The following ROBO1 variants were observed in gnomAD, a reference collection of about 807,000 sequenced individuals.
The protein encoded by ROBO1 is roundabout homolog 1.
In ROBO1, 149 loss-of-function variants were observed where a neutral mutation model predicts 195.9. The ratio of observed to expected loss-of-function variants is 0.76; its 90% CI spans 0.67 to 0.87. ROBO1 has a LOEUF of 0.87. Ranked by LOEUF, ROBO1 falls within the 40% of genes least tolerant of loss-of-function variation. The pLI is 0.00. For synonymous variants in ROBO1, 816 were observed against 733.2 expected (o/e 1.11, Z -1.82); for missense variants, 1,933 against 2,068.3 (o/e 0.93, Z 1.27).
intron 1 of ROBO1, among the ~76,000 whole-genome samples, chr3:79,670,466 G>T (rs931350771): frequency 6.6e-6 from 1 of 151,790 alleles, no homozygotes; most frequent in African/African-American, 2.4e-5. Flanking sequence ...ACTGGTGATT[G>T]ATGGCAACGT....
Position 78,934,167 on chromosome 3 carries a change from T to C in ROBO1, c.499+4434A>G, listed in dbSNP as rs909199988. ...CATAATGGAAGTAAAGAGAAAAAGG[T>C]AGTGAAAGCAATAGCAAAAACAATT... On this transcript the variant is annotated intron_variant, in intron 4 of 30. Coordinates refer to ENST00000464233, the MANE Select transcript of ROBO1 (RefSeq NM_002941.4). Among the ~76,000 whole-genome samples, 12 of 152,002 alleles carry C rather than the reference T, an allele frequency of 7.9e-5. No homozygotes were observed. In the South Asian group the frequency reaches 8.3e-4, roughly 11 times the overall value.
At chr3:78,727,850 T>C (rs1237587839) in intron 5 of ROBO1, among the ~76,000 whole-genome samples, 2 of 152,078 alleles carry the variant, frequency 1.3e-5, no homozygotes, top group African/African-American at 4.8e-5. Context: ...GACCAATACT[T>C]CTAAGTGTAA....
intron 2 of ROBO1, among the ~76,000 whole-genome samples, chr3:79,262,049 G>C (rs971614055): frequency 2.6e-5 from 4 of 151,982 alleles, no homozygotes; most frequent in African/African-American, 4.8e-5. Context: ...ACAGATCTAA[G>C]AAACATGTGC....
intron 2 of ROBO1, among the ~76,000 whole-genome samples, chr3:79,502,420 T>G (rs904076984): frequency 2.3e-4 from 35 of 152,126 alleles, no homozygotes; most frequent in Non-Finnish European, 3.4e-4. Flanking sequence ...GTACTCGATT[T>G]CTCGCCGGGC....
intron 2 of ROBO1, among the ~76,000 whole-genome samples, chr3:79,308,598 T>C (rs2033335191): frequency 6.6e-6 from 1 of 152,086 alleles, no homozygotes; most frequent in Admixed American, 6.6e-5. Context: ...AAAAGTTCTA[T>C]TAAAAAAAGA....
chr3:79,149,903 A>C (rs1276572262), intron 2 of ROBO1, among the ~76,000 whole-genome samples: 1 of 151,808 alleles, frequency 6.6e-6, no homozygotes, highest in Admixed American at 6.6e-5. Context: ...ATGCTCTGGC[A>C]CATTTCAAAA....
rs118170249 is a variant in ROBO1 at position 79,480,866 on chromosome 3, T to C, written c.88+108958A>G. Among the ~76,000 whole-genome samples the C allele has an allele frequency of 2.8e-4, 43 of 152,250 alleles. No individual in the cohort carries two copies. The East Asian group carries it at 8.3e-3, about 29-fold the overall frequency. On this transcript the variant is annotated intron_variant, in intron 2 of 30. Coordinates refer to ENST00000464233, the MANE Select transcript of ROBO1 (RefSeq NM_002941.4). ...TCTAAATCATCACTATTACATATGA[T>C]TTCATTTTATTTCTAATAGGCTATA...
At chr3:78,619,966 C>A in intron 26 of ROBO1, among the ~76,000 whole-genome samples, 1 of 144,728 alleles carries the variant, frequency 6.9e-6, no homozygotes. Context: ...TGCAGTGAGC[C>A]AAGATCAAAC....
intron 8 of ROBO1, among the ~76,000 whole-genome samples, chr3:78,700,735 ATT>A (rs1194047453): frequency 6.6e-6 from 1 of 150,532 alleles, no homozygotes; most frequent in Non-Finnish European, 1.5e-5. Context: ...GAGTATTGGA[ATT>A]CTGCTGGTAT....
At chr3:78,790,316 A>T (rs2083978938) in intron 4 of ROBO1, among the ~76,000 whole-genome samples, 2 of 151,762 alleles carry the variant, frequency 1.3e-5, no homozygotes, top group South Asian at 4.2e-4. Flanking sequence ...ATTATTTTTT[A>T]TTTTTTAATT....
At chr3:78,751,274 G>A (rs2082788325) in intron 4 of ROBO1, among the ~76,000 whole-genome samples, 1 of 151,838 alleles carries the variant, frequency 6.6e-6, no homozygotes, top group Non-Finnish European at 1.5e-5. Context: ...CCTCGGGGGA[G>A]AGGAGCATGC....
intron 3 of ROBO1, among the ~76,000 whole-genome samples, chr3:78,999,545 G>A (rs550339380): frequency 3.9e-5 from 6 of 152,122 alleles, no homozygotes; most frequent in African/African-American, 1.2e-4. Context: ...ACTGCCAGAG[G>A]GGAAAGGAAG....
chr3:79,412,921 A>G (rs2106871236), intron 2 of ROBO1, among the ~76,000 whole-genome samples: 1 of 105,926 alleles, frequency 9.4e-6, no homozygotes, highest in African/African-American at 3.7e-5. Context: ...GTAAATAAGA[A>G]TTATCTGCTT....
intron 2 of ROBO1, among the ~76,000 whole-genome samples, chr3:79,439,069 A>AT (rs2038973813): frequency 6.6e-6 from 1 of 152,064 alleles, no homozygotes; most frequent in Non-Finnish European, 1.5e-5. Flanking sequence ...TCTGTTAAAT[A>AT]TTTTTGAGAC....
In ROBO1 at chr3:78,618,098, A is replaced by T. The variant is rs1227815638; in HGVS notation, c.3876-57T>A. 5.3e-6 allele frequency: 8 copies of T among 1,507,000 alleles called. No individual in the cohort carries two copies. The African/African-American group carries it at 1.1e-4, about 21-fold the overall frequency. 93.4% of individuals were successfully genotyped at this position (1,507,000 alleles called of 1,614,324 possible). A position where few individuals can be genotyped will look rare whatever the true frequency, so the allele number is the denominator to read the frequency against. ...AGCTTGTTATTTAAGACATAAAAGG[A>T]CAAATTACCCAAGAAATTCACAAGC... is the stretch of plus-strand genomic sequence containing the variant. On this transcript the variant is annotated intron_variant, in intron 26 of 30. Coordinates refer to ENST00000464233, the MANE Select transcript of ROBO1 (RefSeq NM_002941.4).
chr3:78,696,717 T>TATATATACATATATATATACAC (rs1396126312), intron 8 of ROBO1, among the ~76,000 whole-genome samples: 11 of 147,320 alleles, frequency 7.5e-5, no homozygotes, highest in Admixed American at 4.1e-4. Context: ...TATATACACG[T>TATATATACATATATATATACAC]ATATATACAT....
At chr3:79,469,573 C>T (rs1344771538) in intron 2 of ROBO1, among the ~76,000 whole-genome samples, 1 of 152,098 alleles carries the variant, frequency 6.6e-6, no homozygotes, top group Non-Finnish European at 1.5e-5. Context: ...AAATCTCAAC[C>T]CTGCCGTACA....
intron 2 of ROBO1, among the ~76,000 whole-genome samples, chr3:79,258,225 T>G (rs1230804739): frequency 6.6e-6 from 1 of 152,210 alleles, no homozygotes; most frequent in African/African-American, 2.4e-5. Context: ...TCATCTTTGT[T>G]GTTGTTGCCA....
intron 4 of ROBO1, among the ~76,000 whole-genome samples, chr3:78,858,641 T>C (rs1192842643): frequency 6.7e-6 from 1 of 148,994 alleles, no homozygotes; most frequent in Non-Finnish European, 1.5e-5. Flanking sequence ...TCCCAGCTAC[T>C]CAGGAGGCTG....
Sources: allele counts gnomAD v4.1 joint callset (sites outside exome capture counted in the v4.1 genomes callset), GRCh38; gene constraint gnomAD v4.1.1; transcripts MANE v1.5; gene names NCBI Gene and HGNC (gene_info 2026-07-23, HGNC 2026-07-21).